The following GRM7 variants were observed in gnomAD, a reference collection of about 807,000 sequenced individuals.
GRM7 encodes the protein metabotropic glutamate receptor 7.
GRM7 carries 35 observed loss-of-function variants against 84.5 expected under a neutral mutation model. The ratio of observed to expected loss-of-function variants is 0.41; its 90% confidence interval spans 0.32 to 0.55. The LOEUF (loss-of-function observed/expected upper bound fraction) is 0.55, where lower values mean the gene tolerates loss of function less well. GRM7 is among the 20% of genes least tolerant of loss of function. GRM7 has a pLI of 0.19. For synonymous variants in GRM7, 487 were observed against 455.1 expected (o/e 1.07, Z -0.89); for missense variants, 1,003 against 1,194.6 (o/e 0.84, Z 2.36).
chr3:6,923,070 A>C (rs1471291818), intron 1 of GRM7, among the ~76,000 whole-genome samples: 1 of 151,876 alleles, frequency 6.6e-6, no homozygotes, highest in Non-Finnish European at 1.5e-5. Flanking sequence ...GCTGGAGTAC[A>C]CTTGCGGAAT....
intron 1 of GRM7, among the ~76,000 whole-genome samples, chr3:6,957,048 A>G (rs1029302295): frequency 1.3e-5 from 2 of 152,160 alleles, no homozygotes; most frequent in Admixed American, 6.5e-5. Flanking sequence ...TAGCGTTATA[A>G]TTTTCCCACT....
At chr3:6,976,669 T>A (rs1158672686) in intron 1 of GRM7, among the ~76,000 whole-genome samples, 1 of 152,134 alleles carries the variant, frequency 6.6e-6, no homozygotes, top group African/African-American at 2.4e-5. Context: ...ATTGTCTATT[T>A]ACAGCCTAAC....
intron 9 of GRM7, among the ~76,000 whole-genome samples, chr3:7,715,017 C>T (rs1271607893): frequency 3.3e-5 from 5 of 152,298 alleles, no homozygotes; most frequent in East Asian, 1.9e-4. Flanking sequence ...ATTCAAGGCT[C>T]TTGCAGGAAC....
intron 1 of GRM7, among the ~76,000 whole-genome samples, chr3:6,881,585 ACAAAT>A (rs1695509391): frequency 7.7e-6 from 1 of 130,354 alleles, no homozygotes; most frequent in Non-Finnish European, 1.8e-5. Context: ...AGGAACTCAA[ACAAAT>A]TTTAAAGAAA....
chr3:6,937,043 G>T (rs970584971), intron 1 of GRM7, among the ~76,000 whole-genome samples: 2 of 152,120 alleles, frequency 1.3e-5, no homozygotes, highest in Non-Finnish European at 2.9e-5. Flanking sequence ...TTATTTAGGG[G>T]TATAATGTAA....
chr3:6,898,343 T>C (rs926820726), intron 1 of GRM7, among the ~76,000 whole-genome samples: 1 of 142,834 alleles, frequency 7.0e-6, no homozygotes, highest in African/African-American at 2.6e-5. Flanking sequence ...TAGGGATTGG[T>C]GAGAGACCAA....
intron 7 of GRM7, among the ~76,000 whole-genome samples, chr3:7,553,534 G>T (rs556493978): frequency 6.6e-6 from 1 of 152,296 alleles, no homozygotes; most frequent in Admixed American, 6.5e-5. Flanking sequence ...TAGGAAAGAG[G>T]CTTAATTGAC....
intron 2 of GRM7, among the ~76,000 whole-genome samples, chr3:7,207,721 G>C (rs1696286124): frequency 6.6e-6 from 1 of 152,186 alleles, no homozygotes; most frequent in Non-Finnish European, 1.5e-5. Context: ...TAGGATGTGA[G>C]ACTCTGGAAT....
intron 1 of GRM7, among the ~76,000 whole-genome samples, chr3:6,941,714 CTTCA>C (rs913782692): frequency 3.9e-5 from 6 of 152,280 alleles, no homozygotes; most frequent in Non-Finnish European, 7.4e-5. Flanking sequence ...ATTTCAGTCT[CTTCA>C]TTCATTCATT....
rs141446150 is a variant in GRM7, at chr3:7,395,061, T to C, written c.1034-19962T>C. On this transcript the variant is annotated intron_variant, in intron 4 of 9. Coordinates refer to ENST00000357716, the MANE Select transcript of GRM7 (RefSeq NM_000844.4). ...CTCAAAAAAAAAAAAAAAAAAGTTA[T>C]AAGCGTATCTTATAACTTACAAATT... Among the ~76,000 whole-genome samples the C allele has an allele frequency of 8.3e-4, 125 of 150,692 alleles. 1 individual carries two copies. The highest frequency in any genetic ancestry group is 2.9e-3 in the African/African-American group (121 of 41,066).
At chr3:7,027,899 T>C (rs923324343) in intron 1 of GRM7, among the ~76,000 whole-genome samples, 7 of 152,126 alleles carry the variant, frequency 4.6e-5, no homozygotes, top group East Asian at 1.9e-4. Context: ...ATCATTTAGG[T>C]CTTAGGACTT....
intron 2 of GRM7, among the ~76,000 whole-genome samples, chr3:7,164,521 A>G (rs919845861): frequency 3.9e-5 from 6 of 152,212 alleles, no homozygotes; most frequent in African/African-American, 9.6e-5. Context: ...CCCACATGAC[A>G]TCCCCACTAT....
chr3:7,725,493 T>C (rs1702090835), intron 9 of GRM7, among the ~76,000 whole-genome samples: 1 of 151,968 alleles, frequency 6.6e-6, no homozygotes, highest in Non-Finnish European at 1.5e-5. Context: ...TCCTGAGACA[T>C]CACACAGGCA....
rs76058453 is a variant in GRM7 at position 6,926,695 on chromosome 3, C to T, written c.519+64788C>T. ...GCTTGGCCTGTTTCTTGCAAAAAGC[C>T]GATGCAACCACCCCTCGGGTTGAGT... On this transcript the variant is annotated intron_variant, in intron 1 of 9. Coordinates refer to ENST00000357716, the MANE Select transcript of GRM7 (RefSeq NM_000844.4). 8.3e-4 allele frequency among the ~76,000 whole-genome samples: 127 copies of T among 152,298 alleles called. 1 individual carries two copies. The highest frequency in any genetic ancestry group is 1.5e-3 in the Non-Finnish European group (105 of 68,030).
At chr3:7,617,388 A>C (rs1454514718) in intron 8 of GRM7, among the ~76,000 whole-genome samples, 1 of 152,068 alleles carries the variant, frequency 6.6e-6, no homozygotes, top group Non-Finnish European at 1.5e-5. Context: ...AGAGAGAAAA[A>C]TTTCAACCCA....
At chr3:7,503,053 C>T (rs1249513097) in intron 7 of GRM7, among the ~76,000 whole-genome samples, 2 of 152,076 alleles carry the variant, frequency 1.3e-5, no homozygotes, top group African/African-American at 4.8e-5. Flanking sequence ...ATATGACTGT[C>T]CCTGTCACTA....
intron 1 of GRM7, among the ~76,000 whole-genome samples, chr3:7,072,823 G>A (rs1166671405): frequency 6.6e-6 from 1 of 152,206 alleles, no homozygotes; most frequent in African/African-American, 2.4e-5. Context: ...GGATATTGAT[G>A]TTTGCTGTAG....
chr3:7,082,388 T>C (rs1414955137), intron 1 of GRM7, among the ~76,000 whole-genome samples: 1 of 152,104 alleles, frequency 6.6e-6, no homozygotes, highest in Admixed American at 6.6e-5. Flanking sequence ...AAGTCCACTA[T>C]TGAGAGCTAC....
At chr3:7,256,079 C>T (rs1319352261) in intron 2 of GRM7, among the ~76,000 whole-genome samples, 1 of 152,086 alleles carries the variant, frequency 6.6e-6, no homozygotes, top group East Asian at 1.9e-4. Flanking sequence ...CCTTTTTGTC[C>T]ACATACCACA....
Sources: gnomAD v4.1 joint callset for allele counts (sites outside exome capture counted in the v4.1 genomes callset) on GRCh38, gnomAD v4.1.1 for gene constraint, MANE v1.5 for transcripts, NCBI Gene and HGNC (gene_info 2026-07-23, HGNC 2026-07-21) for gene names.